The following ZNF385B variants were observed in gnomAD, a reference collection of about 807,000 sequenced individuals.
ZNF385B encodes the protein zinc finger protein 533.
ZNF385B carries 23 observed loss-of-function variants against 39.2 expected under a neutral mutation model. That is an observed-to-expected ratio of 0.59 (90% CI 0.42 to 0.83). The LOEUF is 0.83. ZNF385B is among the 40% of genes least tolerant of loss of function. The pLI is 0.00. For synonymous variants in ZNF385B, 205 were observed against 222.6 expected (o/e 0.92, Z 0.70); for missense variants, 552 against 598.9 (o/e 0.92, Z 0.82).
At chr2:179,713,479 A>C (rs1186714874) in intron 3 of ZNF385B, among the ~76,000 whole-genome samples, 1 of 152,124 alleles carries the variant, frequency 6.6e-6, no homozygotes. Flanking sequence ...CTCTCTGACC[A>C]CTATAACTAT....
chr2:179,591,858 T>C (rs1687593971), intron 3 of ZNF385B, among the ~76,000 whole-genome samples: 1 of 152,108 alleles, frequency 6.6e-6, no homozygotes, highest in Non-Finnish European at 1.5e-5. Context: ...TCCAGGGCCA[T>C]TCTGTAAGAT....
intron 3 of ZNF385B, among the ~76,000 whole-genome samples, chr2:179,584,768 T>C (rs958301555): frequency 3.9e-5 from 6 of 151,970 alleles, no homozygotes; most frequent in African/African-American, 9.7e-5. Flanking sequence ...CAGTTAGATT[T>C]CCATTTCTGA....
intron 1 of ZNF385B, among the ~76,000 whole-genome samples, chr2:179,826,358 C>A (rs561904602): frequency 6.6e-6 from 1 of 152,174 alleles, no homozygotes; most frequent in East Asian, 1.9e-4. Context: ...GATGCCCTCA[C>A]GGGTTTTCTT....
chr2:179,745,917 G>A, intron 3 of ZNF385B: 2 of 1,244,940 alleles, frequency 1.6e-6, no homozygotes, highest in Non-Finnish European at 2.0e-6. Flanking sequence ...TTATTGCACT[G>A]CTCATTGAAA....
intron 4 of ZNF385B, among the ~76,000 whole-genome samples, chr2:179,538,312 TTAAA>T (rs2059710758): frequency 1.3e-5 from 2 of 152,152 alleles, no homozygotes; most frequent in Non-Finnish European, 2.9e-5. Context: ...ATTCATATGT[TTAAA>T]TAAAGACTTC....
At chr2:179,506,802 G>C (rs1192957802) in intron 5 of ZNF385B, among the ~76,000 whole-genome samples, 1 of 152,022 alleles carries the variant, frequency 6.6e-6, no homozygotes, top group African/African-American at 2.4e-5. Context: ...TTCCTAGAGA[G>C]GAAGGAGTAT....
At chr2:179,838,790 T>G (rs1198037243) in intron 1 of ZNF385B, among the ~76,000 whole-genome samples, 1 of 151,452 alleles carries the variant, frequency 6.6e-6, no homozygotes, top group African/African-American at 2.4e-5. Flanking sequence ...ATCAGCAATT[T>G]GTAATTTTTT....
At chr2:179,584,975 C>T (rs1686936290) in intron 3 of ZNF385B, among the ~76,000 whole-genome samples, 1 of 152,090 alleles carries the variant, frequency 6.6e-6, no homozygotes, top group Admixed American at 6.5e-5. Context: ...AGGAGAGTTT[C>T]ATAACATAGC....
chr2:179,651,082 G>T (rs1054211602), intron 3 of ZNF385B, among the ~76,000 whole-genome samples: 1 of 152,084 alleles, frequency 6.6e-6, no homozygotes, highest in African/African-American at 2.4e-5. Flanking sequence ...GACAGACATA[G>T]AATTGTTTAA....
At chr2:179,652,197 T>G (rs1310156467) in intron 3 of ZNF385B, among the ~76,000 whole-genome samples, 1 of 152,140 alleles carries the variant, frequency 6.6e-6, no homozygotes, top group Non-Finnish European at 1.5e-5. Flanking sequence ...AATGCTATTA[T>G]CAGGAAAACT....
chr2:179,719,582 C>T (rs1700551875), intron 3 of ZNF385B, among the ~76,000 whole-genome samples: 1 of 152,158 alleles, frequency 6.6e-6, no homozygotes, highest in African/African-American at 2.4e-5. Context: ...CTTGGTATGA[C>T]CAGCAGTGGT....
At chr2:179,711,710 T>A (rs945743988) in intron 3 of ZNF385B, among the ~76,000 whole-genome samples, 8 of 151,984 alleles carry the variant, frequency 5.3e-5, no homozygotes, top group African/African-American at 1.9e-4. Context: ...GGTTGCCAGG[T>A]AGAGGTTGCT....
chr2:179,861,366 C>G lies in ZNF385B; in HGVS notation c.-420G>C, dbSNP rs1346685333. 8 of 150,248 alleles carry G rather than the reference C, an allele frequency of 5.3e-5. No homozygotes were observed. The highest frequency in any genetic ancestry group is 2.0e-4 in the South Asian group (1 of 4,950). 9.3% of individuals were successfully genotyped at this position (150,248 alleles called of 1,614,324 possible). A position where few individuals can be genotyped will look rare whatever the true frequency, so the allele number is the denominator to read the frequency against. On this transcript the variant is annotated 5_prime_UTR_variant, in exon 1 of 10. Coordinates refer to ENST00000410066, the MANE Select transcript of ZNF385B (RefSeq NM_152520.6). ...GGGCTTAAGCGCCCGGCCGCTGCCC[C>G]CGCGCTGAGCGCCTGCGCACCGGGC...
chr2:179,585,358 CACCAATGG>C (rs1686971997), intron 3 of ZNF385B, among the ~76,000 whole-genome samples: 1 of 152,136 alleles, frequency 6.6e-6, no homozygotes, highest in South Asian at 2.1e-4. Flanking sequence ...TGAATGTAAG[CACCAATGG>C]ATTGTTTTTG....
Position 179,674,101 on chromosome 2 carries a change from A to G in ZNF385B, c.298+95402T>C, listed in dbSNP as rs186245478. 4.7e-4 allele frequency among the ~76,000 whole-genome samples: 72 copies of G among 152,322 alleles called. 1 individual carries two copies. In the South Asian group the frequency reaches 8.5e-3, roughly 18 times the overall value. ...AAGGCCAGGGACAACTTGCAATGCT[A>G]TTATTATATATTAAAGGCTAATATT... is the stretch of plus-strand genomic sequence containing the variant. On this transcript the variant is annotated intron_variant, in intron 3 of 9. Coordinates refer to ENST00000410066, the MANE Select transcript of ZNF385B (RefSeq NM_152520.6).
chr2:179,550,931 G>C (rs2060521943), intron 3 of ZNF385B, among the ~76,000 whole-genome samples: 1 of 151,954 alleles, frequency 6.6e-6, no homozygotes, highest in South Asian at 2.1e-4. Flanking sequence ...AAAAGTGAAG[G>C]ACTTGCTGAG....
At chr2:179,448,270 A>G (rs943363566) in intron 6 of ZNF385B, among the ~76,000 whole-genome samples, 3 of 152,104 alleles carry the variant, frequency 2.0e-5, no homozygotes, top group Non-Finnish European at 4.4e-5. Context: ...TAGATTGGAT[A>G]ATATTTTAGG....
intron 4 of ZNF385B, among the ~76,000 whole-genome samples, chr2:179,524,183 T>G (rs1364585783): frequency 1.3e-5 from 2 of 152,132 alleles, no homozygotes; most frequent in African/African-American, 4.8e-5. Flanking sequence ...TGGTAGGCAT[T>G]TATTACTTAT....
chr2:179,636,831 C>A (rs1016418717), intron 3 of ZNF385B, among the ~76,000 whole-genome samples: 2 of 152,092 alleles, frequency 1.3e-5, no homozygotes, highest in Non-Finnish European at 2.9e-5. Flanking sequence ...AGAAGCCAAG[C>A]ACATAATTTT....
Sources: allele counts gnomAD v4.1 joint callset (sites outside exome capture counted in the v4.1 genomes callset), GRCh38; gene constraint gnomAD v4.1.1; transcripts MANE v1.5; gene names NCBI Gene and HGNC (gene_info 2026-07-23, HGNC 2026-07-21).